The following MPP3 variants were observed in gnomAD, a reference collection of about 807,000 sequenced individuals.
The protein encoded by MPP3 is MAGUK p55 subfamily member 3.
A neutral mutation model predicts 80.7 loss-of-function variants in MPP3; 48 were observed. The ratio of observed to expected loss-of-function variants is 0.59; its 90% CI spans 0.47 to 0.76. The LOEUF (loss-of-function observed/expected upper bound fraction) is 0.76. Among genes scored for constraint, MPP3 ranks in the 30% least tolerant of loss-of-function variants. MPP3 has a pLI of 0.00. For synonymous variants in MPP3, 311 were observed against 297.6 expected (o/e 1.04, Z -0.46); for missense variants, 620 against 763.0 (o/e 0.81, Z 2.21).
intron 7 of MPP3, 146 bp downstream of exon 7, chr17:43,829,508 A>T (rs1429403310): frequency 8.9e-6 from 8 of 903,044 alleles, no homozygotes; most frequent in Non-Finnish European, 1.3e-5. Flanking sequence ...CCCTGCACAC[A>T]GAGGCACCAC....
intron 19 of MPP3, 125 bp downstream of exon 19, chr17:43,808,831 C>T: frequency 2.7e-6 from 3 of 1,105,220 alleles, no homozygotes; most frequent in Non-Finnish European, 3.7e-6. Flanking sequence ...AATGGAAAGA[C>T]AATCACATGT....
chr17:43,804,847 C>G (rs555261780), intron 19 of MPP3, among the ~76,000 whole-genome samples: 2 of 152,312 alleles, frequency 1.3e-5, no homozygotes, highest in South Asian at 4.1e-4. Flanking sequence ...AAAACCCCAT[C>G]TCTACTAAAA....
In MPP3 at chr17:43,811,167, C is replaced by T. The variant is rs2044839330; in HGVS notation, c.1294G>A (p.Val432Met). The change falls in exon 17 of 20, where the codon GTG becomes ATG. Residue 432 changes from valine to methionine, a missense_variant. Transcript: ENST00000398389. ...RPRKSHEKEG[V>M]EYHFVSKQAF... ...TGCTTAGACACAAAGTGATATTCCA[C>T]TCCTTCCTTCTCATGGCTCTTTCGG... 3 of 1,614,172 alleles carry T rather than the reference C, an allele frequency of 1.9e-6. No homozygotes were observed. The highest frequency in any genetic ancestry group is 4.5e-5 in the East Asian group (2 of 44,878).
chr17:43,830,428 A>G (rs777639104), intron 5 of MPP3, among the ~76,000 whole-genome samples: 1 of 152,202 alleles, frequency 6.6e-6, no homozygotes, highest in Non-Finnish European at 1.5e-5. Context: ...CTGAGACTCA[A>G]AGAGATTAAA....
intron 10 of MPP3, 63 bp downstream of exon 10, chr17:43,823,868 C>A: frequency 8.3e-7 from 1 of 1,198,550 alleles, no homozygotes; most frequent in East Asian, 2.4e-5. Context: ...TGGATCCAGC[C>A]CCCAGCCAGC....
chr17:43,832,233 C>T (rs970887198), intron 2 of MPP3: 1 of 420,710 alleles, frequency 2.4e-6, no homozygotes, highest in Middle Eastern at 6.3e-4. Context: ...GAAACAGCGG[C>T]GTGGAAGCTT....
At chr17:43,830,212 G>T in intron 5 of MPP3, 105 bp from the exon 6 acceptor site, 1 of 749,658 alleles carries the variant, frequency 1.3e-6, no homozygotes, top group Non-Finnish European at 2.0e-6. Flanking sequence ...AGCCCCCAGG[G>T]GCACACCAGA....
At chr17:43,822,307 G>A (rs1040179063) in intron 10 of MPP3, among the ~76,000 whole-genome samples, 4 of 152,114 alleles carry the variant, frequency 2.6e-5, no homozygotes, top group Non-Finnish European at 4.4e-5. Context: ...TCAAAGTATC[G>A]ACTGACATCT....
In MPP3 at chr17:43,829,750, A is replaced by C. The variant is rs1215109943; in HGVS notation, c.345T>G (p.Phe115Leu). ...MVHDTVAQKNFDPVLPPLPDN... is the reference protein window; with the variant it reads ...MVHDTVAQKNLDPVLPPLPDN... ...CAGGCAGAGGCGGGAGAACGGGGTC[A>C]AAATTCTTCTGGGCAACCGTGTCAT... The change falls in exon 7 of 20, where the codon TTT becomes TTG. Residue 115 changes from phenylalanine (F) to leucine (L), a missense_variant. Physicochemically the swap from Phe to Leu is conservative, Grantham distance 22 (BLOSUM62 0). Transcript: ENST00000398389. 6.2e-7 allele frequency: 1 copy of C among 1,614,092 alleles called. No homozygotes were observed. Among genetic ancestry groups the C allele is most frequent in the Non-Finnish European group, 8.5e-7 (1 of 1,180,020 alleles).
At chr17:43,822,984 G>A (rs1424665262) in intron 10 of MPP3, among the ~76,000 whole-genome samples, 4 of 152,104 alleles carry the variant, frequency 2.6e-5, no homozygotes, top group Non-Finnish European at 5.9e-5. Context: ...TTCTACAGGG[G>A]AAGAAGTAGT....
intron 12 of MPP3, among the ~76,000 whole-genome samples, chr17:43,817,364 C>T (rs1468904055): frequency 3.3e-5 from 5 of 152,194 alleles, no homozygotes; most frequent in Non-Finnish European, 1.5e-5. Context: ...TCACAGGGTT[C>T]CAAGAAGTAG....
chr17:43,805,160 T>G (rs1189621945), intron 19 of MPP3, among the ~76,000 whole-genome samples: 2 of 152,204 alleles, frequency 1.3e-5, no homozygotes, highest in Non-Finnish European at 2.9e-5. Context: ...ATGGACAAAG[T>G]ATTTGAACAG....
intron 18 of MPP3, among the ~76,000 whole-genome samples, chr17:43,810,152 TAC>T (rs1421676625): frequency 2.0e-5 from 3 of 152,160 alleles, no homozygotes; most frequent in Admixed American, 6.5e-5. Flanking sequence ...AAATAAAGCC[TAC>T]AGTTTATAGC....
Position 43,816,021 on chromosome 17 carries a change from CAG to C in MPP3, c.1009+15_1009+16del. On this transcript the variant is annotated intron_variant, in intron 14 of 19. Coordinates refer to ENST00000398389, the MANE Select transcript of MPP3 (RefSeq NM_001932.6). Reference sequence around the variant, plus strand: ...TGGGGCAGGTCGTGCATGTGGGTGTCAGGGGGAGCTACTTACCCACATAGTGC... The same window carrying C: ...TGGGGCAGGTCGTGCATGTGGGTGTCGGGGAGCTACTTACCCACATAGTGC... 1 of 1,487,826 alleles carries C rather than the reference CAG, an allele frequency of 6.7e-7. No individual in the cohort carries two copies. Among genetic ancestry groups the C allele is most frequent in the Non-Finnish European group, 8.9e-7 (1 of 1,122,102 alleles). 92.2% of individuals were successfully genotyped at this position (1,487,826 alleles called of 1,614,324 possible). A position where few individuals can be genotyped will look rare whatever the true frequency, so the allele number is the denominator to read the frequency against.
intron 18 of MPP3, among the ~76,000 whole-genome samples, chr17:43,810,190 G>C (rs1412156194): frequency 6.6e-6 from 1 of 152,104 alleles, no homozygotes. Flanking sequence ...TGTTTCTATA[G>C]AGGGGAAAAA....
chr17:43,809,147 C>T (rs564978093), intron 18 of MPP3, 69 bp from the exon 19 acceptor site: 1 of 1,486,318 alleles, frequency 6.7e-7, no homozygotes, highest in Admixed American at 2.3e-5. Flanking sequence ...CTTTTGAAAG[C>T]TCAATAATCG....
At chr17:43,809,888 GA>G (rs1035266624) in intron 18 of MPP3, among the ~76,000 whole-genome samples, 9 of 151,842 alleles carry the variant, frequency 5.9e-5, no homozygotes, top group Admixed American at 4.6e-4. Context: ...CAAAAAAAAA[GA>G]AAAAGAAATT....
Position 43,831,931 on chromosome 17 carries a change from C to T in MPP3, c.-25G>A. 1 of 1,612,064 alleles carries T rather than the reference C, an allele frequency of 6.2e-7. No individual in the cohort carries two copies. Among genetic ancestry groups the T allele is most frequent in the African/African-American group, 1.3e-5 (1 of 74,942 alleles). On this transcript the variant is annotated 5_prime_UTR_variant, in exon 3 of 20. Coordinates refer to ENST00000398389, the MANE Select transcript of MPP3 (RefSeq NM_001932.6). ...TGCTGGCGTTGTCACCTCCCGACCT[C>T]TCCCTGCAGATTCTGGGAGAAGGGG...
intron 4 of MPP3, 72 bp from the exon 5 acceptor site, chr17:43,831,393 G>C: frequency 6.6e-7 from 1 of 1,518,620 alleles, no homozygotes; most frequent in Non-Finnish European, 9.1e-7. Flanking sequence ...GGACATTTGG[G>C]GCAGCAGACT....
Sources: allele counts gnomAD v4.1 joint callset (sites outside exome capture counted in the v4.1 genomes callset), GRCh38; gene constraint gnomAD v4.1.1; transcripts MANE v1.5; gene names NCBI Gene and HGNC (gene_info 2026-07-23, HGNC 2026-07-21).